CSMD3: variants seen among roughly 807,000 people sequenced by gnomAD.
The protein encoded by CSMD3 is CUB and sushi domain-containing protein 3.
CSMD3 carries 177 observed loss-of-function variants against 435.2 expected under a neutral mutation model. That is an observed-to-expected ratio of 0.41 (90% CI 0.36 to 0.46). The LOEUF (loss-of-function observed/expected upper bound fraction) is 0.46. Ranked by LOEUF, CSMD3 falls within the 20% of genes least tolerant of loss-of-function variation. CSMD3 has a pLI of 0.34. For missense variants in CSMD3, 4,265 were observed against 4,504.6 expected (o/e 0.95, Z 1.52); for synonymous variants, 1,656 against 1,520.5 (o/e 1.09, Z -2.07).
At chr8:112,403,605 T>C (rs1208568762) in intron 35 of CSMD3, among the ~76,000 whole-genome samples, 2 of 152,112 alleles carry the variant, frequency 1.3e-5, no homozygotes, top group African/African-American at 4.8e-5. Context: ...CCTCACATGG[T>C]GGAAGGCTGA....
chr8:113,332,846 T>A (rs1230047022), intron 1 of CSMD3, among the ~76,000 whole-genome samples: 1 of 151,578 alleles, frequency 6.6e-6, no homozygotes, highest in Non-Finnish European at 1.5e-5. Flanking sequence ...GGAAAAAAAA[T>A]TAGATGATAC....
Position 113,370,483 on chromosome 8 carries a change from G to T in CSMD3, c.179-55690C>A, listed in dbSNP as rs148023597. ...TACTGAAGCTTAACTTCACAAAAAG[G>T]CATATTGTGAAAGATCATTACAAAT... On this transcript the variant is annotated intron_variant, in intron 1 of 70. Transcript: ENST00000297405. 1.8e-3 allele frequency among the ~76,000 whole-genome samples: 268 copies of T among 151,482 alleles called. 1 individual carries two copies. The highest frequency in any genetic ancestry group is 3.3e-3 in the Non-Finnish European group (224 of 67,682).
At chr8:113,121,290 G>T (rs1438791957) in intron 4 of CSMD3, among the ~76,000 whole-genome samples, 2 of 151,998 alleles carry the variant, frequency 1.3e-5, no homozygotes, top group East Asian at 1.9e-4. Flanking sequence ...AAATACTGGT[G>T]GGGGGAGGGG....
At chr8:113,290,079 A>C (rs570852790) in intron 2 of CSMD3, among the ~76,000 whole-genome samples, 1 of 151,904 alleles carries the variant, frequency 6.6e-6, no homozygotes, top group East Asian at 1.9e-4. Flanking sequence ...CCAACAAATA[A>C]TAAATAATCT....
At chr8:112,435,219 C>T (rs544238686) in intron 32 of CSMD3, among the ~76,000 whole-genome samples, 1 of 152,128 alleles carries the variant, frequency 6.6e-6, no homozygotes, top group African/African-American at 2.4e-5. Context: ...ATAGAGAATA[C>T]CTTTTTGTGC....
intron 10 of CSMD3, among the ~76,000 whole-genome samples, chr8:112,899,662 TACACACAC>T (rs60352918): frequency 5.8e-5 from 7 of 121,686 alleles, no homozygotes; most frequent in South Asian, 2.8e-4. Context: ...CGCAAATACA[TACACACAC>T]ACACACACAC....
intron 32 of CSMD3, among the ~76,000 whole-genome samples, chr8:112,469,864 T>A (rs114272467): frequency 2.4e-3 from 361 of 152,238 alleles, no homozygotes; most frequent in African/African-American, 8.1e-3. Context: ...GAAGGAATGA[T>A]CATAATTTGG....
intron 47 of CSMD3, among the ~76,000 whole-genome samples, chr8:112,318,543 C>G (rs547249304): frequency 6.8e-4 from 104 of 152,028 alleles, no homozygotes; most frequent in African/African-American, 2.2e-3. Flanking sequence ...AGTGATTTCC[C>G]TTTCTCTCCA....
At chr8:112,726,527 A>C (rs896853870) in intron 13 of CSMD3, among the ~76,000 whole-genome samples, 1 of 151,908 alleles carries the variant, frequency 6.6e-6, no homozygotes, top group African/African-American at 2.4e-5. Flanking sequence ...TATATAAAAG[A>C]GAAGATCATA....
chr8:112,510,380 T>C (rs1196603472), intron 28 of CSMD3, among the ~76,000 whole-genome samples: 6 of 152,224 alleles, frequency 3.9e-5, no homozygotes, highest in African/African-American at 1.4e-4. Context: ...TACACATAAA[T>C]TATACTCAAA....
At chr8:112,513,086 T>C (rs962432655) in intron 28 of CSMD3, among the ~76,000 whole-genome samples, 1 of 152,228 alleles carries the variant, frequency 6.6e-6, no homozygotes, top group African/African-American at 2.4e-5. Flanking sequence ...GATCTTCTAT[T>C]CAGACCACTG....
Position 112,455,866 on chromosome 8 carries a change from T to TA in CSMD3, c.5395+16724dup, listed in dbSNP as rs537474453. Among the ~76,000 whole-genome samples, 176 of 150,492 alleles carry TA rather than the reference T, an allele frequency of 1.2e-3. 2 individuals carry two copies. The highest frequency in any genetic ancestry group is 5.9e-3 in the East Asian group (30 of 5,128). ...ACTGTAGATGATGCAAGCTGGGATT[T>TA]AAAAAAAAAGGAAGGCATAAATTTT... On this transcript the variant is annotated intron_variant, in intron 32 of 70. Coordinates refer to ENST00000297405, the MANE Select transcript of CSMD3 (RefSeq NM_198123.2).
At chr8:113,252,434 CTTT>C (rs2093342825) in intron 3 of CSMD3, among the ~76,000 whole-genome samples, 1 of 151,782 alleles carries the variant, frequency 6.6e-6, no homozygotes, top group Admixed American at 6.6e-5. Context: ...ACATAGTCTT[CTTT>C]AATTCTTTCA....
chr8:112,240,805 T>G (rs918690376), intron 66 of CSMD3, among the ~76,000 whole-genome samples: 6 of 152,222 alleles, frequency 3.9e-5, no homozygotes, highest in Admixed American at 3.9e-4. Flanking sequence ...TCATGGATAC[T>G]GTTCTCTTGG....
chr8:112,955,047 T>G (rs7012982), intron 7 of CSMD3, among the ~76,000 whole-genome samples: 64,763 of 151,252 alleles, frequency 0.43, 14,641 homozygotes, highest in East Asian at 0.78. Context: ...AAAAGTGAAA[T>G]CTTAGCAGTT....
intron 4 of CSMD3, among the ~76,000 whole-genome samples, chr8:113,158,869 CT>C (rs1420618889): frequency 2.0e-5 from 3 of 151,890 alleles, no homozygotes; most frequent in African/African-American, 7.2e-5. Context: ...AGCAATCTTT[CT>C]TTTGCAACAT....
intron 10 of CSMD3, among the ~76,000 whole-genome samples, chr8:112,870,370 G>A (rs1317689559): frequency 1.3e-5 from 2 of 151,136 alleles, no homozygotes; most frequent in South Asian, 2.1e-4. Flanking sequence ...CCGGGTTCAC[G>A]CCATTTTCCT....
chr8:113,377,574 A>G (rs1016039785), intron 1 of CSMD3, among the ~76,000 whole-genome samples: 20 of 152,332 alleles, frequency 1.3e-4, no homozygotes, highest in African/African-American at 4.3e-4. Flanking sequence ...CAAAGAAGGT[A>G]CACATTTCAA....
At chr8:112,494,094 T>C (rs1248183690) in intron 30 of CSMD3, among the ~76,000 whole-genome samples, 1 of 152,116 alleles carries the variant, frequency 6.6e-6, no homozygotes, top group Non-Finnish European at 1.5e-5. Context: ...CATAAAAGTT[T>C]GCAAGGAGTT....
Sources: allele counts gnomAD v4.1 joint callset (sites outside exome capture counted in the v4.1 genomes callset), GRCh38; gene constraint gnomAD v4.1.1; transcripts MANE v1.5; gene names NCBI Gene and HGNC (gene_info 2026-07-23, HGNC 2026-07-21).